Variants in SMAP1 observed in about 807,000 individuals in gnomAD.
SMAP1 encodes the protein stromal membrane-associated protein 1.
In SMAP1, 24 loss-of-function variants were observed where a neutral mutation model predicts 58.5. That is an observed-to-expected ratio of 0.41 (90% confidence interval 0.30 to 0.58). The LOEUF (loss-of-function observed/expected upper bound fraction) is 0.58. SMAP1 is among the 20% of genes least tolerant of loss of function. The probability of loss-of-function intolerance (pLI) is 0.29; values close to 1 mark genes in which losing one functional copy is unlikely to be tolerated. For synonymous variants in SMAP1, 216 were observed against 196.6 expected (o/e 1.10, Z -0.82); for missense variants, 563 against 566.3 (o/e 0.99, Z 0.06).
At chr6:70,694,784 G>T (rs1199915810) in intron 1 of SMAP1, among the ~76,000 whole-genome samples, 1 of 152,108 alleles carries the variant, frequency 6.6e-6, no homozygotes, top group Non-Finnish European at 1.5e-5. Flanking sequence ...AGGGTTTGGG[G>T]GTAAAGGTAC....
In SMAP1 at chr6:70,793,322, T is replaced by A. The variant is rs536155045; in HGVS notation, c.495+1553T>A. 2.6e-5 allele frequency among the ~76,000 whole-genome samples: 4 copies of A among 152,258 alleles called. No individual in the cohort carries two copies. The South Asian group carries it at 8.3e-4, about 32-fold the overall frequency. On this transcript the variant is annotated intron_variant, in intron 5 of 10. Transcript: ENST00000370455. ...TGCTGGGATTACAGGCATAAGCCAC[T>A]GCGCCTGGCCAAGAGAGTGTAATTT...
At chr6:70,670,738 C>G (rs1034381341) in intron 1 of SMAP1, among the ~76,000 whole-genome samples, 16 of 152,304 alleles carry the variant, frequency 1.1e-4, no homozygotes, top group Admixed American at 9.8e-4. Context: ...TTCAAAGAAG[C>G]TTCTTCCACT....
intron 2 of SMAP1, among the ~76,000 whole-genome samples, chr6:70,745,890 A>T (rs982650752): frequency 6.6e-6 from 1 of 152,122 alleles, no homozygotes; most frequent in African/African-American, 2.4e-5. Flanking sequence ...GGTCCTTCAC[A>T]TCCCTTGTAA....
At chr6:70,673,936 TACTTG>T (rs1042011952) in intron 1 of SMAP1, among the ~76,000 whole-genome samples, 3 of 152,284 alleles carry the variant, frequency 2.0e-5, no homozygotes, top group South Asian at 2.1e-4. Flanking sequence ...AAACTTTCAG[TACTTG>T]ACTTCATTAA....
intron 9 of SMAP1, 186 bp from the exon 10 acceptor site, chr6:70,857,736 C>T (rs1771492420): frequency 3.3e-6 from 2 of 600,692 alleles, no homozygotes; most frequent in South Asian, 4.2e-5. Flanking sequence ...ACTGATTTGT[C>T]TGCATCCTAG....
intron 1 of SMAP1, among the ~76,000 whole-genome samples, chr6:70,705,455 G>A (rs1767801979): frequency 6.6e-6 from 1 of 151,996 alleles, no homozygotes; most frequent in Non-Finnish European, 1.5e-5. Context: ...GTTTCATCAT[G>A]TTGGCCAGGC....
intron 2 of SMAP1, among the ~76,000 whole-genome samples, chr6:70,746,450 T>C (rs1766037483): frequency 6.6e-6 from 1 of 152,190 alleles, no homozygotes; most frequent in Admixed American, 6.5e-5. Flanking sequence ...TTGTCATTGG[T>C]TCTGTTTGTG....
chr6:70,682,687 G>C (rs1234136024), intron 1 of SMAP1, among the ~76,000 whole-genome samples: 1 of 152,006 alleles, frequency 6.6e-6, no homozygotes, highest in Non-Finnish European at 1.5e-5. Context: ...ATTAAAACCC[G>C]TTTGATCTGT....
At chr6:70,829,565 A>G (rs1476052482) in intron 6 of SMAP1, among the ~76,000 whole-genome samples, 1 of 152,184 alleles carries the variant, frequency 6.6e-6, no homozygotes, top group Non-Finnish European at 1.5e-5. Flanking sequence ...CTGTTAGGAG[A>G]TTAACCTTTG....
At chr6:70,851,326 C>CT (rs1313390084) in intron 7 of SMAP1, among the ~76,000 whole-genome samples, 1 of 152,166 alleles carries the variant, frequency 6.6e-6, no homozygotes, top group Non-Finnish European at 1.5e-5. Context: ...CAAGAACTCT[C>CT]TAAGTTTCTG....
intron 1 of SMAP1, among the ~76,000 whole-genome samples, chr6:70,713,416 A>G (rs1438834662): frequency 1.3e-5 from 2 of 150,726 alleles, no homozygotes; most frequent in African/African-American, 4.9e-5. Flanking sequence ...TCCTCTTATT[A>G]CTGCTTTTGC....
At chr6:70,770,155 G>A (rs1350591328) in intron 3 of SMAP1, among the ~76,000 whole-genome samples, 4 of 151,658 alleles carry the variant, frequency 2.6e-5, no homozygotes, top group Admixed American at 6.6e-5. Flanking sequence ...TGGGTAACCC[G>A]ACCTTTCTCT....
chr6:70,698,849 C>T (rs567536769), intron 1 of SMAP1, among the ~76,000 whole-genome samples: 2 of 152,272 alleles, frequency 1.3e-5, no homozygotes, highest in Admixed American at 1.3e-4. Context: ...GAATTCTCTG[C>T]CTGAAAGGTC....
intron 1 of SMAP1, among the ~76,000 whole-genome samples, chr6:70,730,535 G>T (rs1177733250): frequency 6.6e-6 from 1 of 152,230 alleles, no homozygotes; most frequent in African/African-American, 2.4e-5. Context: ...GGGGGAGGCA[G>T]CTCTATCTAG....
chr6:70,800,459 A>G (rs1259487273), intron 6 of SMAP1, among the ~76,000 whole-genome samples: 1 of 151,928 alleles, frequency 6.6e-6, no homozygotes, highest in East Asian at 1.9e-4. Context: ...TTTTTCAGTT[A>G]AGTGTTTGCA....
chr6:70,783,016 C>G (rs1767827484), intron 4 of SMAP1, among the ~76,000 whole-genome samples: 1 of 152,178 alleles, frequency 6.6e-6, no homozygotes, highest in Non-Finnish European at 1.5e-5. Context: ...CTCGAGCAGC[C>G]TAACTGGGAG....
At chr6:70,857,323 T>C (rs184794553) in intron 9 of SMAP1, 2 of 231,758 alleles carry the variant, frequency 8.6e-6, no homozygotes, top group African/African-American at 4.5e-5. Context: ...TGAAACGATT[T>C]GCATGAAGTT....
chr6:70,719,082 A>T (rs1228827682), intron 1 of SMAP1, among the ~76,000 whole-genome samples: 1 of 152,172 alleles, frequency 6.6e-6, no homozygotes, highest in South Asian at 2.1e-4. Context: ...TTGATATCTT[A>T]TGGACTCTTT....
At chr6:70,709,125 C>T (rs1468399428) in intron 1 of SMAP1, among the ~76,000 whole-genome samples, 1 of 151,820 alleles carries the variant, frequency 6.6e-6, no homozygotes, top group African/African-American at 2.4e-5. Flanking sequence ...CAGTTTCATT[C>T]TTTTGCATTA....
Sources: gnomAD v4.1 joint callset for allele counts (sites outside exome capture counted in the v4.1 genomes callset) on GRCh38, gnomAD v4.1.1 for gene constraint, MANE v1.5 for transcripts, NCBI Gene and HGNC (gene_info 2026-07-23, HGNC 2026-07-21) for gene names.